The following ODAD3 variants were observed in gnomAD, a reference collection of about 807,000 sequenced individuals.
ODAD3 encodes outer dynein arm-docking complex subunit 3.
In ODAD3, 57 loss-of-function variants were observed where a neutral mutation model predicts 70.9. The ratio of observed to expected loss-of-function variants is 0.80; its 90% CI spans 0.65 to 1.00. The LOEUF is 1.00. Among genes scored for constraint, ODAD3 ranks in the 50% least tolerant of loss-of-function variants. The pLI is 0.00. For missense variants in ODAD3, 797 were observed against 763.9 expected (o/e 1.04, Z -0.51); for synonymous variants, 327 against 315.9 (o/e 1.04, Z -0.37).
chr19:11,423,532 A>T (rs546786947), intron 8 of ODAD3, among the ~76,000 whole-genome samples: 1 of 152,312 alleles, frequency 6.6e-6, no homozygotes, highest in East Asian at 1.9e-4. Context: ...GTCCCAGACC[A>T]TGTTACAGAC....
intron 11 of ODAD3, 133 bp downstream of exon 11, chr19:11,421,544 C>G: frequency 8.1e-7 from 1 of 1,229,350 alleles, no homozygotes; most frequent in Non-Finnish European, 1.1e-6. Context: ...CAAACCTCGC[C>G]CGTTGTCCCC....
chr19:11,429,572 G>A (rs1230502970), intron 3 of ODAD3, among the ~76,000 whole-genome samples: 2 of 151,918 alleles, frequency 1.3e-5, no homozygotes, highest in Non-Finnish European at 2.9e-5. Context: ...ACCACACCTG[G>A]CTAATTTTTG....
chr19:11,425,563 G>GTATATA (rs1793306888), intron 7 of ODAD3, among the ~76,000 whole-genome samples: 1 of 125,652 alleles, frequency 8.0e-6, no homozygotes, highest in Admixed American at 7.5e-5. Flanking sequence ...ATGTATATAT[G>GTATATA]TGTGTATGTA....
upstream of ODAD3, chr19:11,435,146 G>T: frequency 2.1e-6 from 3 of 1,445,296 alleles, no homozygotes; most frequent in Non-Finnish European, 1.8e-6. Context: ...AGGTGGTTGC[G>T]CTCCGCATCT....
In ODAD3 at chr19:11,425,189, A is replaced by G. The variant is rs570025357; in HGVS notation, c.963+955T>C. 3.3e-3 allele frequency among the ~76,000 whole-genome samples: 366 copies of G among 110,894 alleles called. 31 individuals carry two copies. Among genetic ancestry groups the G allele is most frequent in the East Asian group, 0.013 (46 of 3,620 alleles). 72.8% of individuals were successfully genotyped at this position (110,894 alleles called of 152,430 possible). A position where few individuals can be genotyped will look rare whatever the true frequency, so the allele number is the denominator to read the frequency against. On this transcript the variant is annotated intron_variant, in intron 7 of 12. Transcript: ENST00000356392. Reference sequence around the variant, plus strand: ...TGTGTATATGTACATATGTGTATATATACATATGTGTATGTGTACATATGT... The same window carrying G: ...TGTGTATATGTACATATGTGTATATGTACATATGTGTATGTGTACATATGT...
At chr19:11,435,524 C>G (rs1969666289), upstream of ODAD3, 16 of 467,090 alleles carry the variant, frequency 3.4e-5, no homozygotes, top group South Asian at 2.8e-4. Flanking sequence ...ATGGCCGTCT[C>G]GGCTCTGGCA....
At chr19:11,428,156 G>A (rs1969426169) in intron 3 of ODAD3, among the ~76,000 whole-genome samples, 1 of 151,688 alleles carries the variant, frequency 6.6e-6, no homozygotes, top group African/African-American at 2.4e-5. Flanking sequence ...GGCTGGTCGC[G>A]AATTCCTGGG....
At position 11,420,659 on chromosome 19, in the gene ODAD3, G is replaced by A; in HGVS notation, c.*176C>T. On this transcript the variant is annotated 3_prime_UTR_variant, in exon 13 of 13. Transcript: ENST00000356392. Reference sequence around the variant, plus strand: ...TGAGGCCGGGGCGGACCCAGCTGGGGAGATTTACTGTGGGAACGTCTGGCC... The same window carrying A: ...TGAGGCCGGGGCGGACCCAGCTGGGAAGATTTACTGTGGGAACGTCTGGCC... 1.6e-6 allele frequency: 1 copy of A among 609,340 alleles called. No individual in the cohort carries two copies. The highest frequency in any genetic ancestry group is 2.9e-6 in the Non-Finnish European group (1 of 344,108). The allele number at this position is 609,340 out of a possible 1,614,324, so 37.7% of individuals were successfully genotyped here. A position where few individuals can be genotyped will look rare whatever the true frequency, so the allele number is the denominator to read the frequency against.
chr19:11,434,935 T>A lies in ODAD3; in HGVS notation c.82A>T (p.Lys28Ter). Reference sequence around the variant, plus strand: ...GGTTTGCCCGAAGCCTCCCTGCCCTTGACCCTGGAAGAGGGCGTCGAAGCC... The same window carrying A: ...GGTTTGCCCGAAGCCTCCCTGCCCTAGACCCTGGAAGAGGGCGTCGAAGCC... The part of the protein sequence containing the change: ...DQASTPSSRV[K>*]GREASGKPSH... The change falls in exon 1 of 13, where the codon AAG (lysine) becomes TAG (stop). Residue 28 changes from lysine to a stop codon, truncating the protein, a stop_gained. Coordinates refer to ENST00000356392, the MANE Select transcript of ODAD3 (RefSeq NM_145045.5). LOFTEE classifies it high-confidence loss of function. 6.2e-7 allele frequency: 1 copy of A among 1,614,036 alleles called. No individual in the cohort carries two copies.
Position 11,420,694 on chromosome 19 carries a change from C to T in ODAD3, c.*141G>A, listed in dbSNP as rs900913707. The T allele has an allele frequency of 6.0e-6, 4 of 662,222 alleles. No homozygotes were observed. Among genetic ancestry groups the T allele is most frequent in the Non-Finnish European group, 1.1e-5 (4 of 380,184 alleles). The allele number at this position is 662,222 out of a possible 1,614,324, so 41.0% of individuals were successfully genotyped here. A position where few individuals can be genotyped will look rare whatever the true frequency, so the allele number is the denominator to read the frequency against. On this transcript the variant is annotated 3_prime_UTR_variant, in exon 13 of 13. Coordinates refer to ENST00000356392, the MANE Select transcript of ODAD3 (RefSeq NM_145045.5). ...GTGGGAACGTCTGGCCCGGCCCCTT[C>T]CTCCCCTCCGGGCGCCGCTGGCCGC...
chr19:11,423,031 G>C (rs1329280035), intron 8 of ODAD3, among the ~76,000 whole-genome samples, 170 bp from the exon 9 acceptor site: 3 of 152,244 alleles, frequency 2.0e-5, no homozygotes, highest in African/African-American at 7.2e-5. Context: ...GTTGCTTCAA[G>C]GGTGAGCAGC....
rs939675522 is a variant in ODAD3 at position 11,426,764 on chromosome 19, G to C, written c.633C>G (p.Asn211Lys). The change falls in exon 5 of 13, where the codon AAC becomes AAG. Residue 211 changes from asparagine to lysine, a missense_variant. Physicochemically the swap from Asn to Lys is moderately conservative, Grantham distance 94. Coordinates refer to ENST00000356392, the MANE Select transcript of ODAD3 (RefSeq NM_145045.5). Reference sequence around the variant, plus strand: ...CCTTCATCTGGGCCTTCTCCAGGCGGTTCTCCAGGTTCCGCATGGTCTGGA... The same window carrying C: ...CCTTCATCTGGGCCTTCTCCAGGCGCTTCTCCAGGTTCCGCATGGTCTGGA... ...EVAKTMRNLE[N>K]RLEKAQMKAQ... 1.2e-5 allele frequency: 20 copies of C among 1,613,998 alleles called. No homozygotes were observed. The highest frequency in any genetic ancestry group is 1.6e-5 in the Non-Finnish European group (19 of 1,179,932).
chr19:11,421,108 A>ACTGC lies in ODAD3; in HGVS notation c.1675+19_1675+20insGCAG. The ACTGC allele has an allele frequency of 6.2e-7, 1 of 1,609,886 alleles. No homozygotes were observed. The highest frequency in any genetic ancestry group is 1.1e-5 in the South Asian group (1 of 90,750). ...CTTGGGGCCCCAACCGCACCCCTTCATCCCCCCACCCATACTGACCAAAAA... is the reference window on the plus strand; with the variant it reads ...CTTGGGGCCCCAACCGCACCCCTTCACTGCTCCCCCCACCCATACTGACCAAAAA... On this transcript the variant is annotated intron_variant, in intron 12 of 12. Coordinates refer to ENST00000356392, the MANE Select transcript of ODAD3 (RefSeq NM_145045.5).
upstream of ODAD3, chr19:11,435,653 G>A (rs1008011503): frequency 7.0e-6 from 9 of 1,283,880 alleles, no homozygotes; most frequent in Non-Finnish European, 9.2e-6. Flanking sequence ...AGCAGGAACC[G>A]CGGCTGCTGG....
At chr19:11,435,650 A>C (rs540057283), upstream of ODAD3, 3 of 1,278,972 alleles carry the variant, frequency 2.3e-6, no homozygotes, top group Non-Finnish European at 2.0e-6. Flanking sequence ...TGCAGCAGGA[A>C]CCGCGGCTGC....
At chr19:11,424,406 G>A (rs1969214372) in intron 7 of ODAD3, among the ~76,000 whole-genome samples, 1 of 151,578 alleles carries the variant, frequency 6.6e-6, no homozygotes, top group Non-Finnish European at 1.5e-5. Flanking sequence ...GGAGGCTGAG[G>A]TGAGAGGATC....
Position 11,423,909 on chromosome 19 carries a change from C to G in ODAD3, c.1084G>C (p.Val362Leu). The change falls in exon 8 of 13, where the codon GTC (valine) becomes CTC (leucine). Residue 362 changes from valine to leucine, a missense_variant. Physicochemically the swap from Val to Leu is conservative, Grantham distance 32. Coordinates refer to ENST00000356392, the MANE Select transcript of ODAD3 (RefSeq NM_145045.5). ...MYQMEVIFGK[V>L]KDATGTDETH... ...TCGTCAGTGCCAGTGGCGTCCTTGA[C>G]CTTGCCAAAGATCACCTCCATCTGG... 6.2e-7 allele frequency: 1 copy of G among 1,613,124 alleles called. No homozygotes were observed. Among genetic ancestry groups the G allele is most frequent in the Non-Finnish European group, 8.5e-7 (1 of 1,179,912 alleles).
chr19:11,424,605 G>A (rs1354625965), intron 7 of ODAD3, among the ~76,000 whole-genome samples: 39 of 121,772 alleles, frequency 3.2e-4, no homozygotes, highest in African/African-American at 9.4e-4. Flanking sequence ...AAATATATAT[G>A]TGTATATATA....
intron 7 of ODAD3, among the ~76,000 whole-genome samples, chr19:11,425,564 T>C (rs1407747621): frequency 7.4e-6 from 1 of 135,330 alleles, no homozygotes; most frequent in African/African-American, 3.2e-5. Flanking sequence ...TGTATATATG[T>C]GTGTATGTAT....
Sources: gnomAD v4.1 joint callset for allele counts (sites outside exome capture counted in the v4.1 genomes callset) on GRCh38, gnomAD v4.1.1 for gene constraint, MANE v1.5 for transcripts, NCBI Gene and HGNC (gene_info 2026-07-23, HGNC 2026-07-21) for gene names.